GLO1: variants seen among roughly 807,000 people sequenced by gnomAD.
GLO1 encodes the protein lactoylglutathione lyase.
A neutral mutation model predicts 26.0 loss-of-function variants in GLO1; 28 were observed. The observed-to-expected ratio is 1.08, with a 90% CI of 0.80 to 1.48. GLO1 has a LOEUF of 1.48. GLO1 is among the 40% of genes most tolerant of loss of function. The pLI, the probability that GLO1 is intolerant of heterozygous loss-of-function variation, is 0.00. For synonymous variants in GLO1, 78 were observed against 77.6 expected, an observed-to-expected ratio of 1.00 and a Z score of -0.03; for missense variants, 225 against 224.8, an observed-to-expected ratio of 1.00 and a Z score of -0.01.
chr6:38,695,008 A>G (rs1281669175), intron 1 of GLO1, among the ~76,000 whole-genome samples: 1 of 152,182 alleles, frequency 6.6e-6, no homozygotes, highest in Admixed American at 6.5e-5. Flanking sequence ...AGTGAGTTTC[A>G]TGTAGACAGC....
intron 1 of GLO1, among the ~76,000 whole-genome samples, chr6:38,698,422 T>TATATATA (rs1761642148): frequency 1.3e-5 from 2 of 148,388 alleles, no homozygotes; most frequent in East Asian, 3.9e-4. Flanking sequence ...AGGGACCCCA[T>TATATATA]CATATATATA....
chr6:38,679,207 A>G (rs576418375), intron 5 of GLO1, among the ~76,000 whole-genome samples: 3 of 151,976 alleles, frequency 2.0e-5, no homozygotes, highest in East Asian at 3.9e-4. Context: ...GCAGCCTCCA[A>G]CTCCTGGGCC....
At chr6:38,700,193 A>G (rs1013477731) in intron 1 of GLO1, among the ~76,000 whole-genome samples, 12 of 152,302 alleles carry the variant, frequency 7.9e-5, no homozygotes, top group Admixed American at 7.8e-4. Context: ...CTACGTTGAA[A>G]TATTGGGGTG....
intron 1 of GLO1, among the ~76,000 whole-genome samples, chr6:38,694,265 G>T (rs1761577144): frequency 6.6e-6 from 1 of 152,128 alleles, no homozygotes; most frequent in African/African-American, 2.4e-5. Context: ...AAAAAAAGGG[G>T]AATTCTGTTG....
rs116881143 is a variant in GLO1, at chr6:38,683,951, T to G, written c.308+423A>C. ...TGGGCCAGGCGTGGTGGCTCATGCT[T>G]ATAATCCCAGCAGTCTGGGAGGCCG... is the stretch of plus-strand genomic sequence containing the variant. On this transcript the variant is annotated intron_variant, in intron 3 of 5. Coordinates refer to ENST00000373365, the MANE Select transcript of GLO1 (RefSeq NM_006708.3). Among the ~76,000 whole-genome samples the G allele has an allele frequency of 6.9e-4, 105 of 152,172 alleles. 1 individual carries two copies. In the East Asian group the frequency reaches 0.019, roughly 27 times the overall value.
intron 1 of GLO1, among the ~76,000 whole-genome samples, chr6:38,694,353 T>C (rs1761578286): frequency 6.6e-6 from 1 of 152,200 alleles, no homozygotes; most frequent in African/African-American, 2.4e-5. Flanking sequence ...TGTTTCCTTG[T>C]TAATTTTCTG....
chr6:38,690,387 G>A (rs771257739), intron 1 of GLO1, among the ~76,000 whole-genome samples: 4 of 152,148 alleles, frequency 2.6e-5, no homozygotes, highest in African/African-American at 4.8e-5. Context: ...CAAAGGAATA[G>A]TTAGATAGTA....
chr6:38,679,212 T>A (rs1023659275), intron 5 of GLO1, among the ~76,000 whole-genome samples: 1 of 151,984 alleles, frequency 6.6e-6, no homozygotes, highest in African/African-American at 2.4e-5. Context: ...CTCCAACTCC[T>A]GGGCCCAAGC....
Position 38,703,133 on chromosome 6 carries a change from C to A in GLO1, c.-79G>T. ...ACACTACGCCTCGGCCCTGTGCCGCCTTAACTAGGAATGGCGCGATGGCGC... is the reference window on the plus strand; with the variant it reads ...ACACTACGCCTCGGCCCTGTGCCGCATTAACTAGGAATGGCGCGATGGCGC... On this transcript the variant is annotated 5_prime_UTR_variant, in exon 1 of 6. In the 5' UTR this introduces an upstream ATG that the reference lacks. Transcript: ENST00000373365. The A allele has an allele frequency of 1.2e-6, 1 of 851,292 alleles. No homozygotes were observed. The highest frequency in any genetic ancestry group is 1.5e-5 in the South Asian group (1 of 65,336). The allele number at this position is 851,292 out of a possible 1,614,324, so 52.7% of individuals were successfully genotyped here. A position where few individuals can be genotyped will look rare whatever the true frequency, so the allele number is the denominator to read the frequency against.
intron 5 of GLO1, among the ~76,000 whole-genome samples, chr6:38,678,342 G>GAGAAAGAGAAAGAGAA (rs151177886): frequency 7.5e-6 from 1 of 133,898 alleles, no homozygotes; most frequent in African/African-American, 2.7e-5. Flanking sequence ...GAAAGAGAAA[G>GAGAAAGAGAAAGAGAA]AGAGAAAGAG....
chr6:38,682,864 G>T lies in GLO1; in HGVS notation c.320C>A (p.Thr107Asn). ...GTAACTCTGGGTCTCATCATCTTCA[G>T]TGCCCCAATTGCTACAAAAGGAAGG... The part of the protein sequence containing the change: ...ATLELTHNWG[T>N]EDDETQSYHN... Residue 107 changes from threonine to asparagine, a missense_variant, in exon 4 of 6, where the codon ACT becomes AAT. By Grantham distance (65) the Thr-to-Asn change is moderately conservative. Coordinates refer to ENST00000373365, the MANE Select transcript of GLO1 (RefSeq NM_006708.3). 1 of 1,586,140 alleles carries T rather than the reference G, an allele frequency of 6.3e-7. No homozygotes were observed. Among genetic ancestry groups the T allele is most frequent in the Non-Finnish European group, 8.7e-7 (1 of 1,154,216 alleles).
intron 1 of GLO1, among the ~76,000 whole-genome samples, chr6:38,697,818 A>T (rs1374347620): frequency 2.0e-5 from 3 of 152,242 alleles, no homozygotes; most frequent in Non-Finnish European, 4.4e-5. Context: ...CCTTCAGTGT[A>T]TCTTGAGGAA....
Position 38,685,144 on chromosome 6 carries a change from A to G in GLO1, c.168-630T>C, listed in dbSNP as rs188609058. ...AGCAATGTCAGCAGAGTGGGGAAGC[A>G]TCAGCTGGATTACACTGTACTGGGG... On this transcript the variant is annotated intron_variant, in intron 2 of 5. Transcript: ENST00000373365. Among the ~76,000 whole-genome samples, 23 of 152,344 alleles carry G rather than the reference A, an allele frequency of 1.5e-4. 1 individual carries two copies. Among genetic ancestry groups the G allele is most frequent in the African/African-American group, 5.5e-4 (23 of 41,586 alleles).
At chr6:38,683,976 G>A (rs968724208) in intron 3 of GLO1, among the ~76,000 whole-genome samples, 4 of 152,274 alleles carry the variant, frequency 2.6e-5, no homozygotes, top group East Asian at 3.9e-4. Context: ...CTGGGAGGCC[G>A]AGGCGGGCGG....
chr6:38,693,683 CTCTATATATATA>C (rs1473854341), intron 1 of GLO1, among the ~76,000 whole-genome samples: 1 of 82,442 alleles, frequency 1.2e-5, no homozygotes, highest in Non-Finnish European at 2.8e-5. Context: ...CTCTCTCTCT[CTCTATATATATA>C]TATATATATA....
At chr6:38,701,926 GA>G (rs1761706162) in intron 1 of GLO1, among the ~76,000 whole-genome samples, 3 of 147,486 alleles carry the variant, frequency 2.0e-5, no homozygotes, top group African/African-American at 7.6e-5. Context: ...TACTGTGCCT[GA>G]ATTTTTTTTT....
intron 5 of GLO1, among the ~76,000 whole-genome samples, chr6:38,677,694 C>A (rs560097069): frequency 1.6e-4 from 24 of 152,288 alleles, no homozygotes; most frequent in African/African-American, 5.1e-4. Flanking sequence ...GGATTACAAG[C>A]ACAAACCACT....
rs78979838 is a variant in GLO1 at position 38,684,940 on chromosome 6, C to T, written c.168-426G>A. On this transcript the variant is annotated intron_variant, in intron 2 of 5. Coordinates refer to ENST00000373365, the MANE Select transcript of GLO1 (RefSeq NM_006708.3). Reference sequence around the variant, plus strand: ...CACATTTATTGAGTTCTTACTATGCCAAAACATCTAGGAAAGGAAATTAAG... The same window carrying T: ...CACATTTATTGAGTTCTTACTATGCTAAAACATCTAGGAAAGGAAATTAAG... Among the ~76,000 whole-genome samples the T allele has an allele frequency of 8.3e-3, 1,265 of 152,012 alleles. 17 individuals are homozygous for T. The highest frequency in any genetic ancestry group is 0.029 in the African/African-American group (1,187 of 41,430).
intron 5 of GLO1, among the ~76,000 whole-genome samples, chr6:38,678,431 A>G (rs1052107575): frequency 8.0e-5 from 11 of 137,364 alleles, no homozygotes; most frequent in South Asian, 2.3e-4. Flanking sequence ...AAAAGAAAAG[A>G]AAAGGAAAGA....
Sources: gnomAD v4.1 joint callset for allele counts (sites outside exome capture counted in the v4.1 genomes callset) on GRCh38, gnomAD v4.1.1 for gene constraint, MANE v1.5 for transcripts, NCBI Gene and HGNC (gene_info 2026-07-23, HGNC 2026-07-21) for gene names.